Variants in KANK1 observed in about 807,000 individuals in gnomAD.
KANK1 encodes the protein KN motif and ankyrin repeat domains 1.
A neutral mutation model predicts 106.2 loss-of-function variants in KANK1; 109 were observed. The ratio of observed to expected loss-of-function variants is 1.03; its 90% CI spans 0.88 to 1.20. The LOEUF is 1.20. Ranked by LOEUF, KANK1 falls within the 50% of genes most tolerant of loss-of-function variation. The probability of loss-of-function intolerance (pLI) is 0.00; values close to 1 mark genes in which losing one functional copy is unlikely to be tolerated. For missense variants in KANK1, 2,399 were observed against 1,710.7 expected (o/e 1.40, Z -7.10); for synonymous variants, 873 against 652.2 (o/e 1.34, Z -5.16).
intron 1 of KANK1, among the ~76,000 whole-genome samples, chr9:554,201 A>G (rs191571117): frequency 3.2e-4 from 49 of 152,366 alleles, no homozygotes; most frequent in African/African-American, 1.2e-3. Context: ...CAAGAAGGCC[A>G]TTGGTGTAAT....
rs532417565 is a variant in KANK1 at position 615,832 on chromosome 9, G to T, written c.-83-61058G>T. 1.8e-4 allele frequency among the ~76,000 whole-genome samples: 28 copies of T among 152,324 alleles called. No homozygotes were observed. In the South Asian group the frequency reaches 5.4e-3, roughly 29 times the overall value. On this transcript the variant is annotated intron_variant, in intron 1 of 11. Coordinates refer to ENST00000382297, the MANE Select transcript of KANK1 (RefSeq NM_015158.5). ...ACCTAGCTAAAGACCCATGAGGAAT[G>T]AAAGAACGAACAGGGAAAACAACTG...
intron 3 of KANK1, chr9:478,138 ACAAT>A (rs1476296614): frequency 5.0e-6 from 1 of 201,676 alleles, no homozygotes; most frequent in Non-Finnish European, 1.0e-5. Flanking sequence ...AAGAAGCAAA[ACAAT>A]CAAGCACAGT....
chr9:558,319 A>G (rs1815413490), intron 1 of KANK1, among the ~76,000 whole-genome samples: 1 of 152,214 alleles, frequency 6.6e-6, no homozygotes, highest in Non-Finnish European at 1.5e-5. Flanking sequence ...TGTGGCAGTT[A>G]TGTTCTATAA....
intron 2 of KANK1, chr9:686,990 C>G (rs368198829): frequency 2.1e-6 from 2 of 941,462 alleles, no homozygotes; most frequent in East Asian, 2.3e-4. Context: ...TCCCTGGATG[C>G]TTTGAGATGA....
At chr9:529,881 T>G (rs1437665492) in intron 1 of KANK1, among the ~76,000 whole-genome samples, 1 of 152,262 alleles carries the variant, frequency 6.6e-6, no homozygotes, top group Non-Finnish European at 1.5e-5. Flanking sequence ...GAAGCTGTGC[T>G]AACTTATGCT....
chr9:637,762 T>C (rs1486750154), intron 1 of KANK1, among the ~76,000 whole-genome samples: 4 of 152,178 alleles, frequency 2.6e-5, no homozygotes, highest in South Asian at 2.1e-4. Flanking sequence ...TAATAGTGGG[T>C]ACTCAGAGTA....
rs111458337 is a variant in KANK1 at position 550,859 on chromosome 9, G to C, written c.-84+46105G>C. ...TCCGAACTGTCTATACTTTATTAAA[G>C]TCTTCTTTTTCCCAGACTCCAGAAT... is the stretch of plus-strand genomic sequence containing the variant. On this transcript the variant is annotated intron_variant, in intron 1 of 11. Transcript: ENST00000382297. Among the ~76,000 whole-genome samples the C allele has an allele frequency of 4.8e-3, 731 of 152,072 alleles. 6 individuals carry two copies. The highest frequency in any genetic ancestry group is 0.017 in the African/African-American group (685 of 41,502).
Position 596,475 on chromosome 9 carries a change from TCTGGCAATGGATCATTTTGCTG to T in KANK1, c.-83-80414_-83-80393del, listed in dbSNP as rs1253753959. ...TGCTAAGCTGAACTAGGCTTTTGTTTCTGGCAATGGATCATTTTGCTGTCACGGAGCCAGTGATTATTTACCA... is the reference window on the plus strand; with the variant it reads ...TGCTAAGCTGAACTAGGCTTTTGTTTTCACGGAGCCAGTGATTATTTACCA... On this transcript the variant is annotated intron_variant, in intron 1 of 11. Transcript: ENST00000382297. 2.6e-5 allele frequency among the ~76,000 whole-genome samples: 4 copies of T among 151,812 alleles called. 1 individual carries two copies. In the East Asian group the frequency reaches 7.7e-4, roughly 29 times the overall value.
chr9:729,867 C>G (rs1015008027), intron 3 of KANK1, among the ~76,000 whole-genome samples, 184 bp from the exon 4 acceptor site: 2 of 152,118 alleles, frequency 1.3e-5, no homozygotes, highest in African/African-American at 4.8e-5. Context: ...GTTAGAATGA[C>G]GAGGCCCGGC....
intron 1 of KANK1, among the ~76,000 whole-genome samples, chr9:592,346 A>AG (rs1283615774): frequency 2.0e-5 from 3 of 151,830 alleles, no homozygotes; most frequent in South Asian, 2.1e-4. Flanking sequence ...AAGCCGGGGG[A>AG]GGGGGAACCA....
intron 3 of KANK1, 35 bp from the exon 4 acceptor site, chr9:730,016 C>T (rs1225126559): frequency 4.4e-6 from 7 of 1,574,978 alleles, no homozygotes; most frequent in Non-Finnish European, 6.1e-6. Context: ...TCAGTCCTAG[C>T]ATCACACACT....
intron 1 of KANK1, among the ~76,000 whole-genome samples, chr9:562,418 C>G (rs945518597): frequency 6.6e-6 from 1 of 152,152 alleles, no homozygotes; most frequent in Non-Finnish European, 1.5e-5. Flanking sequence ...AAGATGGGAA[C>G]GGACAAAAAG....
intron 1 of KANK1, among the ~76,000 whole-genome samples, chr9:557,414 T>G (rs935428996): frequency 6.6e-6 from 1 of 152,192 alleles, no homozygotes; most frequent in African/African-American, 2.4e-5. Flanking sequence ...ATTTGAAGTT[T>G]TTCATGATAG....
chr9:617,135 G>A (rs1038544172), intron 1 of KANK1, among the ~76,000 whole-genome samples: 23 of 151,924 alleles, frequency 1.5e-4, no homozygotes, highest in African/African-American at 5.6e-4. Flanking sequence ...TTCTTGCAAG[G>A]AATCATTATG....
chr9:639,726 C>G (rs1379033095), intron 1 of KANK1, among the ~76,000 whole-genome samples: 3 of 152,196 alleles, frequency 2.0e-5, no homozygotes, highest in Non-Finnish European at 4.4e-5. Flanking sequence ...TAACAAAATG[C>G]TACAGACTGT....
intron 1 of KANK1, among the ~76,000 whole-genome samples, chr9:629,292 C>T (rs1202937970): frequency 6.6e-6 from 1 of 152,122 alleles, no homozygotes; most frequent in Non-Finnish European, 1.5e-5. Context: ...CAGGCTGAGG[C>T]TTTGCTTGAT....
rs73386730 is a variant in KANK1, at chr9:488,566, T to G, written c.-362+15293T>G. 9.7e-3 allele frequency among the ~76,000 whole-genome samples: 1,477 copies of G among 152,302 alleles called. 23 individuals carry two copies. The highest frequency in any genetic ancestry group is 0.034 in the African/African-American group (1,411 of 41,564). ...ATCAACTAATCTCAATTACCTCAAC[T>G]GCAAAGGAGCAGTTCTGATAACATC... On this transcript the variant is annotated intron_variant, in intron 3 of 15. Coordinates refer to the KANK1 transcript ENST00000382303.
At chr9:664,935 G>A (rs943544252) in intron 1 of KANK1, among the ~76,000 whole-genome samples, 1 of 152,130 alleles carries the variant, frequency 6.6e-6, no homozygotes, top group Non-Finnish European at 1.5e-5. Context: ...CTGATGTTGA[G>A]CACTTCTTAT....
At chr9:717,003 A>G (rs555635788) in intron 3 of KANK1, among the ~76,000 whole-genome samples, 1 of 150,916 alleles carries the variant, frequency 6.6e-6, no homozygotes, top group East Asian at 2.0e-4. Context: ...TGGTGGGGGG[A>G]GATTGTGCAC....
Sources: gnomAD v4.1 joint callset for allele counts (sites outside exome capture counted in the v4.1 genomes callset) on GRCh38, gnomAD v4.1.1 for gene constraint, MANE v1.5 for transcripts, NCBI Gene and HGNC (gene_info 2026-07-23, HGNC 2026-07-21) for gene names.